Variants in SMYD2 observed in about 807,000 individuals in gnomAD.
SMYD2 encodes SET and MYND domain containing 2.
In SMYD2, 53 loss-of-function variants were observed where a neutral mutation model predicts 59.1. That is an observed-to-expected ratio of 0.90 (90% CI 0.72 to 1.13). The LOEUF is 1.13. Among genes scored for constraint, SMYD2 ranks in the 50% most tolerant of loss-of-function variants. The probability of loss-of-function intolerance (pLI) is 0.00; values close to 1 mark genes in which losing one functional copy is unlikely to be tolerated. For synonymous variants in SMYD2, 208 were observed against 198.8 expected, an observed-to-expected ratio of 1.05 and a Z score of -0.39; for missense variants, 494 against 544.7, an observed-to-expected ratio of 0.91 and a Z score of 0.93.
chr1:214,332,409 T>C (rs870117), intron 10 of SMYD2: 140,663 of 526,312 alleles, frequency 0.27, 20,070 homozygotes, highest in East Asian at 0.46. Context: ...ATGCAGCGGA[T>C]ACTGGGGCAA....
At chr1:214,330,343 G>A in intron 8 of SMYD2, 65 bp downstream of exon 8, 1 of 1,145,346 alleles carries the variant, frequency 8.7e-7, no homozygotes, top group Non-Finnish European at 1.3e-6. Context: ...CTGCTGAAGA[G>A]CTTGTCTGAC....
intron 10 of SMYD2, chr1:214,333,865 T>A (rs1412207482): frequency 9.8e-6 from 2 of 203,100 alleles, no homozygotes; most frequent in East Asian, 2.0e-4. Context: ...TCACAAGCTG[T>A]TTTCCCAGGG....
intron 2 of SMYD2, among the ~76,000 whole-genome samples, chr1:214,309,313 G>T (rs1384375932): frequency 6.6e-6 from 1 of 152,014 alleles, no homozygotes; most frequent in East Asian, 1.9e-4. Context: ...GTGTTTTAAT[G>T]AACTGTATTT....
At chr1:214,304,182 T>A (rs933632289) in intron 1 of SMYD2, among the ~76,000 whole-genome samples, 7 of 152,146 alleles carry the variant, frequency 4.6e-5, no homozygotes, top group Non-Finnish European at 1.0e-4. Context: ...GACCCCATTA[T>A]GAAGAGGCAG....
Position 214,318,754 on chromosome 1 carries a change from T to G in SMYD2, c.410-105T>G. On this transcript the variant is annotated intron_variant, in intron 4 of 11. Coordinates refer to ENST00000366957, the MANE Select transcript of SMYD2 (RefSeq NM_020197.3). The surrounding 1 kb of genome is among the most constrained non-coding windows in gnomAD (Gnocchi z 5.4). ...TTCAACATGTTAGTTTTGGGTTTTT[T>G]TTTTTTCGCCCGTTCCTTTCCTCTG... The G allele has an allele frequency of 1.5e-6, 2 of 1,371,164 alleles. No individual in the cohort carries two copies. Among genetic ancestry groups the G allele is most frequent in the Non-Finnish European group, 2.0e-6 (2 of 1,025,212 alleles). 84.9% of individuals were successfully genotyped at this position (1,371,164 alleles called of 1,614,324 possible). A position where few individuals can be genotyped will look rare whatever the true frequency, so the allele number is the denominator to read the frequency against.
At chr1:214,284,647 A>G (rs553351327) in intron 1 of SMYD2, among the ~76,000 whole-genome samples, 1 of 150,888 alleles carries the variant, frequency 6.6e-6, no homozygotes, top group Admixed American at 6.6e-5. Flanking sequence ...GCTCACTGCA[A>G]CCTCCGCCTC....
intron 1 of SMYD2, among the ~76,000 whole-genome samples, chr1:214,302,996 A>C (rs141422467): frequency 8.0e-4 from 122 of 151,964 alleles, no homozygotes; most frequent in African/African-American, 2.8e-3. Flanking sequence ...CTGAGCCTTT[A>C]ATTTTTTTTG....
chr1:214,321,481 A>G (rs1237396967), intron 5 of SMYD2, among the ~76,000 whole-genome samples: 3 of 152,218 alleles, frequency 2.0e-5, no homozygotes, highest in Admixed American at 6.5e-5. Context: ...CAGAAATGCA[A>G]AGTGCTGCTG....
Position 214,330,175 on chromosome 1 carries a change from C to A in SMYD2, c.713C>A (p.Thr238Asn). 6.2e-7 allele frequency: 1 copy of A among 1,602,932 alleles called. No individual in the cohort carries two copies. Among genetic ancestry groups the A allele is most frequent in the Non-Finnish European group, 8.5e-7 (1 of 1,173,446 alleles). ...QEIKPGEEVF[T>N]SYIDLLYPTE... ...TCTTTTTGGACCCCGTAGGTTTTTA[C>A]CAGCTATATTGATCTCCTGTACCCA... The change falls in exon 8 of 12, where the codon ACC (threonine) becomes AAC (asparagine). Residue 238 changes from threonine (T) to asparagine (N), a missense_variant. Physicochemically the swap from Thr to Asn is moderately conservative, Grantham distance 65 (BLOSUM62 0). Coordinates refer to ENST00000366957, the MANE Select transcript of SMYD2 (RefSeq NM_020197.3).
At chr1:214,304,558 C>CAAAAAAA (rs56254326) in intron 1 of SMYD2, among the ~76,000 whole-genome samples, 497 of 48,002 alleles carry the variant, frequency 0.01, 93 homozygotes, top group African/African-American at 0.026. Flanking sequence ...GACCCTATCT[C>CAAAAAAA]AAAAAAAAAA....
At chr1:214,288,954 T>TC (rs201984042) in intron 1 of SMYD2, among the ~76,000 whole-genome samples, 7,537 of 150,594 alleles carry the variant, frequency 0.05, 216 homozygotes, top group East Asian at 0.091. Flanking sequence ...TTTTTTTTTT[T>TC]CCTTAAGCAA....
At chr1:214,293,594 A>G (rs67319720) in intron 1 of SMYD2, among the ~76,000 whole-genome samples, 24,634 of 152,092 alleles carry the variant, frequency 0.16, 2,525 homozygotes, top group Middle Eastern at 0.36. Context: ...TCTCAGTTCC[A>G]GGTCGTGTGG....
At chr1:214,287,113 G>T (rs1299380340) in intron 1 of SMYD2, among the ~76,000 whole-genome samples, 1 of 151,902 alleles carries the variant, frequency 6.6e-6, no homozygotes, top group African/African-American at 2.4e-5. Flanking sequence ...ACAGGTATGA[G>T]CCACCACGCC....
At position 214,330,972 on chromosome 1, in the gene SMYD2, G is replaced by A. The variant is rs373625174; in HGVS notation, c.839G>A (p.Arg280Gln). Reference protein sequence around the residue: ...KDKDKAKVEIRKLSDPPKAEA... With the variant: ...KDKDKAKVEIQKLSDPPKAEA... ...CAGGATAAGGCCAAGGTGGAAATCC[G>A]GAAGCTCAGCGATCCCCCAAAGGCA... Residue 280 changes from arginine to glutamine, a missense_variant, in exon 9 of 12, where the codon CGG (arginine) becomes CAG (glutamine). By Grantham distance (43) the Arg-to-Gln change is conservative (BLOSUM62 1). Transcript: ENST00000366957. 2.2e-5 allele frequency: 36 copies of A among 1,614,074 alleles called. No homozygotes were observed. The highest frequency in any genetic ancestry group is 4.0e-5 in the African/African-American group (3 of 74,928).
rs576255485 is a variant in SMYD2 at position 214,303,083 on chromosome 1, A to G, written c.174-2104A>G. 7.9e-5 allele frequency among the ~76,000 whole-genome samples: 12 copies of G among 152,142 alleles called. No homozygotes were observed. The East Asian group carries it at 2.3e-3, about 29-fold the overall frequency. ...TCTTTTGTTTCATTAGGGTTGGGGG[A>G]GAAGGTGGGTTATTAGAGTAAGTTA... On this transcript the variant is annotated intron_variant, in intron 1 of 11. Transcript: ENST00000366957.
chr1:214,296,060 A>G (rs1211860152), intron 1 of SMYD2, among the ~76,000 whole-genome samples: 1 of 152,216 alleles, frequency 6.6e-6, no homozygotes, highest in Non-Finnish European at 1.5e-5. Context: ...AGTAATTGTT[A>G]TTGCAAACCC....
chr1:214,282,771 G>A (rs1445229314), intron 1 of SMYD2, among the ~76,000 whole-genome samples: 1 of 152,132 alleles, frequency 6.6e-6, no homozygotes, highest in Non-Finnish European at 1.5e-5. Context: ...TGTATGTGAT[G>A]TGGCTCTTTG....
intron 5 of SMYD2, 23 bp downstream of exon 5, chr1:214,319,006 A>C (rs758896909): frequency 1.2e-6 from 2 of 1,612,372 alleles, no homozygotes; most frequent in Non-Finnish European, 1.7e-6. Context: ...GCAGCAGGTA[A>C]CACTCAGTCT....
chr1:214,328,395 T>A (rs1657296286), intron 7 of SMYD2, among the ~76,000 whole-genome samples: 2 of 152,186 alleles, frequency 1.3e-5, no homozygotes, highest in South Asian at 4.1e-4. Context: ...CTTCAGGACG[T>A]GGAGAGAACC....
Sources: allele counts gnomAD v4.1 joint callset (sites outside exome capture counted in the v4.1 genomes callset), GRCh38; gene constraint gnomAD v4.1.1; non-coding constraint Gnocchi (gnomAD v3.1); transcripts MANE v1.5; gene names NCBI Gene and HGNC (gene_info 2026-07-23, HGNC 2026-07-21).